Variants in OTOGL observed in about 807,000 individuals in gnomAD.
OTOGL encodes otogelin like, also known as otogelin-like protein.
A neutral mutation model predicts 318.5 loss-of-function variants in OTOGL; 285 were observed. That is an observed-to-expected ratio of 0.89 (90% CI 0.81 to 0.99). The LOEUF (loss-of-function observed/expected upper bound fraction) is 0.99. OTOGL is among the 50% of genes least tolerant of loss of function. The probability of loss-of-function intolerance (pLI) is 0.00; values close to 1 mark genes in which losing one functional copy is unlikely to be tolerated. For missense variants in OTOGL, 2,899 were observed against 2,845.6 expected (o/e 1.02, Z -0.43); for synonymous variants, 987 against 936.5 (o/e 1.05, Z -0.99).
At chr12:80,265,615 G>T in intron 20 of OTOGL, 2 of 192,466 alleles carry the variant, frequency 1.0e-5, no homozygotes, top group South Asian at 9.4e-5. Context: ...AAGTTATTGG[G>T]GCTCTAATTT....
chr12:80,317,970 A>G (rs1887078056), intron 32 of OTOGL, among the ~76,000 whole-genome samples: 1 of 152,086 alleles, frequency 6.6e-6, no homozygotes, highest in Non-Finnish European at 1.5e-5. Context: ...CCAGCTGCTC[A>G]ATGGTGCTGT....
intron 24 of OTOGL, among the ~76,000 whole-genome samples, chr12:80,273,614 G>A (rs1228117581): frequency 6.6e-6 from 1 of 152,074 alleles, no homozygotes; most frequent in African/African-American, 2.4e-5. Flanking sequence ...TATATAGTAA[G>A]AGCTCAGCAA....
At chr12:80,243,979 C>G (rs1383580998) in intron 11 of OTOGL, among the ~76,000 whole-genome samples, 1 of 150,536 alleles carries the variant, frequency 6.6e-6, no homozygotes, top group East Asian at 2.0e-4. Context: ...CCAGTACAAA[C>G]TAGGCGCAGA....
chr12:80,145,397 G>A (rs888711538), intron 1 of OTOGL, among the ~76,000 whole-genome samples: 5 of 151,954 alleles, frequency 3.3e-5, no homozygotes, highest in African/African-American at 1.2e-4. Flanking sequence ...TGAGGGCTCT[G>A]TTCTGTTCCA....
intron 46 of OTOGL, among the ~76,000 whole-genome samples, chr12:80,355,090 AATTAT>A (rs1171593585): frequency 2.0e-5 from 3 of 152,106 alleles, no homozygotes; most frequent in African/African-American, 4.8e-5. Context: ...AGGCTAAATA[AATTAT>A]ATTAACAGGA....
intron 52 of OTOGL, among the ~76,000 whole-genome samples, chr12:80,365,815 A>T (rs1890494349): frequency 6.6e-6 from 1 of 152,176 alleles, no homozygotes; most frequent in Non-Finnish European, 1.5e-5. Flanking sequence ...TGTCAAGAAT[A>T]AAATTCATTT....
intron 26 of OTOGL, among the ~76,000 whole-genome samples, chr12:80,289,532 T>C (rs1274256504): frequency 1.3e-5 from 2 of 152,166 alleles, no homozygotes; most frequent in African/African-American, 4.8e-5. Context: ...TCCAGGGAGA[T>C]GGGAGTTTTG....
intron 1 of OTOGL, among the ~76,000 whole-genome samples, chr12:80,194,150 G>A (rs1444063388): frequency 6.6e-6 from 1 of 152,174 alleles, no homozygotes; most frequent in South Asian, 2.1e-4. Flanking sequence ...CAAACGTTAG[G>A]CATGTGACCT....
In OTOGL at chr12:80,265,041, C is replaced by G; in HGVS notation, c.2055C>G (p.Leu685=). ...ACTGTGATGTCATCCACCAGGAGCT[C>G]TTTGCTCCTTGCCACATCTATATTA... ...AAHCDVIHQE[L]FAPCHIYISP... Residue 685 remains leucine (L), a synonymous_variant, in exon 20 of 59, where the codon CTC becomes CTG. Coordinates refer to ENST00000547103, the MANE Select transcript of OTOGL (RefSeq NM_001378609.3). 6.2e-7 allele frequency: 1 copy of G among 1,613,908 alleles called. No individual in the cohort carries two copies. Among genetic ancestry groups the G allele is most frequent in the Non-Finnish European group, 8.5e-7 (1 of 1,179,852 alleles).
intron 26 of OTOGL, among the ~76,000 whole-genome samples, chr12:80,289,079 A>AT (rs1284850777): frequency 4.0e-5 from 6 of 151,790 alleles, no homozygotes; most frequent in Non-Finnish European, 5.9e-5. Context: ...TTGGATGGGG[A>AT]TTTTGTATGG....
intron 23 of OTOGL, among the ~76,000 whole-genome samples, chr12:80,270,491 A>G (rs1195709138): frequency 6.6e-6 from 1 of 152,132 alleles, no homozygotes; most frequent in Non-Finnish European, 1.5e-5. Flanking sequence ...TTTGTGGGAC[A>G]GAAATTGGGA....
At position 80,263,698 on chromosome 12, in the gene OTOGL, A is replaced by ATTT. The variant is rs1565939669; in HGVS notation, c.2015-1303_2015-1302insTTT. 2.6e-5 allele frequency among the ~76,000 whole-genome samples: 4 copies of ATTT among 150,988 alleles called. No homozygotes were observed. In the Admixed American group the frequency reaches 2.7e-4, roughly 10 times the overall value. On this transcript the variant is annotated intron_variant, in intron 19 of 58. Transcript: ENST00000547103. ...TGCCATGAACTGTGATTTTTTTTTA[A>ATTT]AAAAATTCAAATAGGTAAATTCAGG...
At chr12:80,340,998 G>A (rs575946619) in intron 43 of OTOGL, among the ~76,000 whole-genome samples, 40 of 150,304 alleles carry the variant, frequency 2.7e-4, no homozygotes, top group Non-Finnish European at 4.6e-4. Flanking sequence ...CAAAGGTGAG[G>A]CATTGCAACC....
At chr12:80,270,233 A>G in intron 23 of OTOGL, 79 bp downstream of exon 23, 1 of 1,203,368 alleles carries the variant, frequency 8.3e-7, no homozygotes, top group Non-Finnish European at 1.2e-6. Flanking sequence ...GTCATCAATC[A>G]CCTCTTCTTC....
At chr12:80,368,387 C>CCCG (rs1890684458) in intron 55 of OTOGL, 78 bp downstream of exon 55, 1 of 877,818 alleles carries the variant, frequency 1.1e-6, no homozygotes, top group South Asian at 1.6e-5. Flanking sequence ...AAAATGTCCC[C>CCCG]CCCCACACAC....
rs147681642 is a variant in OTOGL, at chr12:80,176,323, T to A, written c.-19-33090T>A. ...AACATCTGTACAACTTATTAAGCCA[T>A]CACCACAACAAAATAATGAACATTT... On this transcript the variant is annotated intron_variant, in intron 1 of 58. Coordinates refer to ENST00000547103, the MANE Select transcript of OTOGL (RefSeq NM_001378609.3). Among the ~76,000 whole-genome samples the A allele has an allele frequency of 3.3e-4, 51 of 152,308 alleles. No homozygotes were observed. In the East Asian group the frequency reaches 9.6e-3, roughly 29 times the overall value.
At chr12:80,349,029 C>A (rs996551503) in intron 44 of OTOGL, among the ~76,000 whole-genome samples, 1 of 151,964 alleles carries the variant, frequency 6.6e-6, no homozygotes, top group African/African-American at 2.4e-5. Flanking sequence ...TAAAAGTGTT[C>A]ATCAGTTAAT....
chr12:80,184,753 A>C (rs1287438271), intron 1 of OTOGL, among the ~76,000 whole-genome samples: 2 of 152,178 alleles, frequency 1.3e-5, no homozygotes, highest in East Asian at 3.9e-4. Context: ...GGTTGAGTTC[A>C]TGAACAGACA....
chr12:80,356,257 T>C (rs181811342), intron 47 of OTOGL, 159 bp from the exon 48 acceptor site: 56 of 625,826 alleles, frequency 8.9e-5, no homozygotes, highest in Non-Finnish European at 1.4e-4. Context: ...TGGCCCACTT[T>C]GTTAGATGAG....
Sources: gnomAD v4.1 joint callset for allele counts (sites outside exome capture counted in the v4.1 genomes callset) on GRCh38, gnomAD v4.1.1 for gene constraint, MANE v1.5 for transcripts, NCBI Gene and HGNC (gene_info 2026-07-23, HGNC 2026-07-21) for gene names.